The following F5 variants were observed in gnomAD, a reference collection of about 807,000 sequenced individuals.
The protein encoded by F5 is coagulation factor V, also known as activated protein c cofactor.
Under a neutral mutation model 216.4 loss-of-function variants are expected in F5, and 138 were observed. The observed-to-expected ratio is 0.64, with a 90% CI of 0.56 to 0.73. The LOEUF (loss-of-function observed/expected upper bound fraction) is 0.73. Among genes scored for constraint, F5 ranks in the 30% least tolerant of loss-of-function variants. F5 has a pLI of 0.00. For synonymous variants in F5, 916 were observed against 930.7 expected (o/e 0.98, Z 0.29); for missense variants, 2,403 against 2,674.0 (o/e 0.90, Z 2.24).
At position 169,550,759 on chromosome 1, in the gene F5, T is replaced by G. The variant is rs758981490; in HGVS notation, c.1297-20A>C. On this transcript the variant is annotated intron_variant, in intron 8 of 24. Coordinates refer to ENST00000367797, the MANE Select transcript of F5 (RefSeq NM_000130.5). Reference sequence around the variant, plus strand: ...CACGATCTACAAAGTTAAATCAAATTTATTCTAGGATTTAAGGTTGATCAT... The same window carrying G: ...CACGATCTACAAAGTTAAATCAAATGTATTCTAGGATTTAAGGTTGATCAT... The G allele has an allele frequency of 6.5e-7, 1 of 1,541,760 alleles. No individual in the cohort carries two copies. Among genetic ancestry groups the G allele is most frequent in the Middle Eastern group, 1.7e-4 (1 of 5,946 alleles).
chr1:169,529,616 T>C lies in F5; in HGVS notation c.5411A>G (p.Glu1804Gly), dbSNP rs1422210493. The C allele has an allele frequency of 1.9e-6, 3 of 1,613,398 alleles. No individual in the cohort carries two copies. In the African/African-American group the frequency reaches 4.0e-5, roughly 22 times the overall value. The change falls in exon 16 of 25, where the codon GAG (glutamate) becomes GGG (glycine). Residue 1804 changes from glutamate (E) to glycine (G), a missense_variant. By Grantham distance (98) the Glu-to-Gly change is moderately conservative (BLOSUM62 -2). Transcript: ENST00000367797. ...AAGTCTGAGGAAAATACCGTGAAAC[T>C]CATGGGATTTTTTCATTTCTGAGGA... ...LTSSEMKKSH[E>G]FHAINGMIYS... is the part of the protein sequence containing the mutation.
Position 169,586,332 on chromosome 1 carries a change from C to T in F5, c.55G>A (p.Val19Ile), listed in dbSNP as rs2101849451. 1.2e-6 allele frequency: 2 copies of T among 1,614,078 alleles called. No homozygotes were observed. The highest frequency in any genetic ancestry group is 1.6e-4 in the Middle Eastern group (1 of 6,062). Residue 19 changes from valine to isoleucine, a missense_variant, in exon 1 of 25, where the codon GTA (valine) becomes ATA (isoleucine). Val to Ile is a conservative substitution (Grantham distance 29, BLOSUM62 3). This residue lies in a region of F5 where 1,425 missense variants were observed against 1,554.8 expected (regional missense o/e 0.92). Coordinates refer to ENST00000367797, the MANE Select transcript of F5 (RefSeq NM_000130.5). ...TCTGTCCCTTGGCTCCCCCAGCCTACCCAGCTGGTGCCCAAGACCACCAGG... is the reference window on the plus strand; with the variant it reads ...TCTGTCCCTTGGCTCCCCCAGCCTATCCAGCTGGTGCCCAAGACCACCAGG... ...WVLVVLGTSWVGWGSQGTEAA... is the reference protein window; with the variant it reads ...WVLVVLGTSWIGWGSQGTEAA...
At chr1:169,548,375 G>C (rs888870982) in intron 10 of F5, among the ~76,000 whole-genome samples, 1 of 151,816 alleles carries the variant, frequency 6.6e-6, no homozygotes, top group Non-Finnish European at 1.5e-5. Flanking sequence ...AGAAAAAAAA[G>C]TGCTGTATTC....
chr1:169,519,068 T>C (rs1659226061), intron 22 of F5, among the ~76,000 whole-genome samples: 1 of 152,220 alleles, frequency 6.6e-6, no homozygotes, highest in South Asian at 2.1e-4. Flanking sequence ...TTATGTACCC[T>C]TTGGAATTTT....
chr1:169,574,560 G>A (rs1557932342), intron 2 of F5, among the ~76,000 whole-genome samples: 1 of 152,234 alleles, frequency 6.6e-6, no homozygotes, highest in Non-Finnish European at 1.5e-5. Flanking sequence ...AGTTCAGCCA[G>A]CATTTGTTTG....
chr1:169,544,486 C>T lies in F5; in HGVS notation c.1785G>A (p.Glu595=), dbSNP rs112333778. 1.3e-4 allele frequency: 203 copies of T among 1,614,006 alleles called. 1 individual carries two copies. In the African/African-American group the frequency reaches 2.5e-3, roughly 20 times the overall value. The change falls in exon 12 of 25, where the codon GAG becomes GAA. Residue 595 remains glutamate, a synonymous_variant. Coordinates refer to ENST00000367797, the MANE Select transcript of F5 (RefSeq NM_000130.5). ...AGCAGAATCCAAGAGTAGTTATGCT[C>T]TCAGGCACATAGCCATTGATAGCTG... ...IMSTINGYVP[E]SITTLGFCFD...
At chr1:169,574,112 G>A (rs1004255477) in intron 2 of F5, among the ~76,000 whole-genome samples, 1 of 152,162 alleles carries the variant, frequency 6.6e-6, no homozygotes, top group Non-Finnish European at 1.5e-5. Context: ...GAGAGGATGT[G>A]CATAGGTTAT....
Position 169,572,491 on chromosome 1 carries a change from G to A in F5, c.251-148C>T. 3.4e-6 allele frequency: 3 copies of A among 877,374 alleles called. No homozygotes were observed. In the South Asian group the frequency reaches 4.4e-5, roughly 13 times the overall value. 54.3% of individuals were successfully genotyped at this position (877,374 alleles called of 1,614,324 possible). On this transcript the variant is annotated intron_variant, in intron 2 of 24. Transcript: ENST00000367797. ...TGACTCACTTATTTTCAATCTAGAA[G>A]GTTTTAGCAGCTCATTAACTCAACA...
Position 169,565,409 on chromosome 1 carries a change from C to T in F5, c.374-4643G>A, listed in dbSNP as rs1472269747. Among the ~76,000 whole-genome samples, 3 of 151,984 alleles carry T rather than the reference C, an allele frequency of 2.0e-5. No homozygotes were observed. In the East Asian group the frequency reaches 5.8e-4, roughly 29 times the overall value. ...GTGTCTCTGGTGCCTTCCATAGGTA[C>T]CTAGAGAAGCATGGAACATGAACAT... On this transcript the variant is annotated intron_variant, in intron 3 of 24. Transcript: ENST00000367797.
intron 4 of F5, among the ~76,000 whole-genome samples, chr1:169,560,020 T>G (rs981124835): frequency 6.6e-5 from 10 of 152,140 alleles, no homozygotes; most frequent in African/African-American, 1.9e-4. Flanking sequence ...AAATCCAAGC[T>G]TGCTCCTAAG....
chr1:169,525,593 C>T (rs1476120289), intron 18 of F5, among the ~76,000 whole-genome samples: 1 of 152,140 alleles, frequency 6.6e-6, no homozygotes, highest in Non-Finnish European at 1.5e-5. Flanking sequence ...TTGTTAAATT[C>T]CTGTGACCTT....
Position 169,515,369 on chromosome 1 carries a change from C to A in F5, c.6528+75G>T. 3 of 1,564,314 alleles carry A rather than the reference C, an allele frequency of 1.9e-6. No homozygotes were observed. In the South Asian group the frequency reaches 3.3e-5, roughly 17 times the overall value. ...GTGGTACATGTCACTGCATATTTGT[C>A]AAATGCAAAATACTGTTATTCTCAT... is the stretch of plus-strand genomic sequence containing the variant. On this transcript the variant is annotated intron_variant, in intron 24 of 24. Coordinates refer to ENST00000367797, the MANE Select transcript of F5 (RefSeq NM_000130.5).
chr1:169,525,585 G>A (rs904259441), intron 18 of F5, among the ~76,000 whole-genome samples: 2 of 152,164 alleles, frequency 1.3e-5, no homozygotes, highest in Admixed American at 6.5e-5. Context: ...CTCAGTCATT[G>A]TTAAATTCCT....
At chr1:169,552,462 G>A (rs544211979) in intron 8 of F5, 95 bp downstream of exon 8, 13 of 1,028,322 alleles carry the variant, frequency 1.3e-5, no homozygotes, top group African/African-American at 3.3e-5. Context: ...AAAATTATAT[G>A]AGCATCTTTT....
At chr1:169,576,872 G>C (rs1317840043) in intron 2 of F5, among the ~76,000 whole-genome samples, 1 of 152,152 alleles carries the variant, frequency 6.6e-6, no homozygotes, top group Non-Finnish European at 1.5e-5. Flanking sequence ...GATGCCCAGA[G>C]AAAGTCTCCT....
rs6025 is a variant in F5 at position 169,549,811 on chromosome 1, C to T, written c.1601G>A (p.Arg534Gln). The change falls in exon 10 of 25, where the codon CGA becomes CAA. Residue 534 changes from arginine to glutamine, a missense_variant. Arg to Gln is a conservative substitution (Grantham distance 43). Around this residue, in one of 4 missense-constraint regions of F5, gnomAD observed 1,425 missense variants for 1,554.8 expected, o/e 0.92. Transcript: ENST00000367797. ...LICKSRSLDR[R>Q]GIQRAADIEQ... ...TCAAGGACAAAATACCTGTATTCCT[C>T]GCCTGTCCAGGGATCTGCTCTTACA... 34,574 of 1,613,166 alleles carry T rather than the reference C, an allele frequency of 0.021. 450 individuals carry two copies. The highest frequency in any genetic ancestry group is 0.039 in the Middle Eastern group (238 of 6,060).
At chr1:169,531,124 G>T in intron 14 of F5, 102 bp from the exon 15 acceptor site, 1 of 853,114 alleles carries the variant, frequency 1.2e-6, no homozygotes, top group Non-Finnish European at 2.0e-6. Flanking sequence ...TAAAATCGGA[G>T]CTAAGATATA....
chr1:169,540,211 C>T lies in F5; in HGVS notation c.4796+83G>A, dbSNP rs978474536. On this transcript the variant is annotated intron_variant, in intron 13 of 24. Coordinates refer to ENST00000367797, the MANE Select transcript of F5 (RefSeq NM_000130.5). ...CACTGTTCTTAGTATAATTTGCCCA[C>T]AATTATCCCCCTGAATTGTAGTAGC... is the stretch of plus-strand genomic sequence containing the variant. 8 of 1,483,208 alleles carry T rather than the reference C, an allele frequency of 5.4e-6. No homozygotes were observed. The African/African-American group carries it at 9.7e-5, about 18-fold the overall frequency. The allele number at this position is 1,483,208 out of a possible 1,614,324, so 91.9% of individuals were successfully genotyped here.
chr1:169,543,400 A>G (rs1273582055), intron 12 of F5, among the ~76,000 whole-genome samples: 7 of 152,160 alleles, frequency 4.6e-5, no homozygotes, highest in African/African-American at 1.4e-4. Flanking sequence ...TTAACAGAAT[A>G]AAAAACAAAA....
Sources: gnomAD v4.1 joint callset for allele counts (sites outside exome capture counted in the v4.1 genomes callset) on GRCh38, gnomAD v4.1.1 for gene constraint, gnomAD v4.1.1 regional missense constraint, MANE v1.5 for transcripts, NCBI Gene and HGNC (gene_info 2026-07-23, HGNC 2026-07-21) for gene names.